HPS3: variants seen among roughly 807,000 people sequenced by gnomAD.
HPS3 encodes the protein HPS3 biogenesis of lysosomal organelles complex 2 subunit 1.
HPS3 carries 79 observed loss-of-function variants against 110.9 expected under a neutral mutation model. The ratio of observed to expected loss-of-function variants is 0.71; its 90% CI spans 0.59 to 0.86. The LOEUF (loss-of-function observed/expected upper bound fraction) is 0.86, where lower values mean the gene tolerates loss of function less well. Among genes scored for constraint, HPS3 ranks in the 40% least tolerant of loss-of-function variants. HPS3 has a pLI of 0.00. For synonymous variants in HPS3, 428 were observed against 451.0 expected, an observed-to-expected ratio of 0.95 and a Z score of 0.65; for missense variants, 1,197 against 1,206.2, an observed-to-expected ratio of 0.99 and a Z score of 0.11.
rs1379512680 is a variant in HPS3 at position 149,153,764 on chromosome 3, A to G, written c.1400+116A>G. On this transcript the variant is annotated intron_variant, in intron 7 of 16. Coordinates refer to ENST00000296051, the MANE Select transcript of HPS3 (RefSeq NM_032383.5). ...CTTGGAATGATCAAATGGCTTTTTTATGGTGGTCTTTTTCCAGAGAAAGAA... is the reference window on the plus strand; with the variant it reads ...CTTGGAATGATCAAATGGCTTTTTTGTGGTGGTCTTTTTCCAGAGAAAGAA... 2.9e-6 allele frequency: 3 copies of G among 1,041,548 alleles called. No homozygotes were observed. In the African/African-American group the frequency reaches 4.7e-5, roughly 16 times the overall value. The allele number at this position is 1,041,548 out of a possible 1,614,324, so 64.5% of individuals were successfully genotyped here.
rs776575007 is a variant in HPS3, at chr3:149,160,036, C to T, written c.1873-10C>T. ...CTTTTATTCCTTTTATTCCTTCGTG[C>T]TCACCAAAGGAATTAGCAGCAAAAG... On this transcript the variant is annotated splice_polypyrimidine_tract_variant and intron_variant, in intron 10 of 16. Transcript: ENST00000296051. 10 of 1,595,786 alleles carry T rather than the reference C, an allele frequency of 6.3e-6. No individual in the cohort carries two copies. Among genetic ancestry groups the T allele is most frequent in the South Asian group, 5.5e-5 (5 of 90,704 alleles).
At chr3:149,155,301 C>G (rs373514720) in intron 8 of HPS3, 86 bp downstream of exon 8, 24 of 817,214 alleles carry the variant, frequency 2.9e-5, no homozygotes, top group East Asian at 7.6e-5. Flanking sequence ...ATCATACATT[C>G]AGGATGCCAC....
intron 6 of HPS3, 31 bp downstream of exon 6, chr3:149,150,711 C>T (rs1398321058): frequency 6.6e-7 from 1 of 1,526,014 alleles, no homozygotes; most frequent in African/African-American, 1.4e-5. Context: ...ATAGTGAAAC[C>T]TTAAGATCAC....
chr3:149,161,598 C>T (rs1179318075), intron 11 of HPS3, among the ~76,000 whole-genome samples: 3 of 150,822 alleles, frequency 2.0e-5, no homozygotes, highest in Non-Finnish European at 4.4e-5. Flanking sequence ...CAACCTCCAC[C>T]TCCCAGGTTC....
At chr3:149,147,846 T>C (rs935722462) in intron 5 of HPS3, among the ~76,000 whole-genome samples, 2 of 152,206 alleles carry the variant, frequency 1.3e-5, no homozygotes, top group African/African-American at 4.8e-5. Context: ...TTTATGTAAA[T>C]TCAGATTCTT....
intron 5 of HPS3, among the ~76,000 whole-genome samples, chr3:149,148,987 T>C (rs1722946674): frequency 7.8e-6 from 1 of 127,780 alleles, no homozygotes; most frequent in Non-Finnish European, 1.6e-5. Flanking sequence ...AGAATCTCAC[T>C]CTGTCACCCA....
chr3:149,139,978 T>C, intron 1 of HPS3, 26 bp from the exon 2 acceptor site: 1 of 1,601,812 alleles, frequency 6.2e-7, no homozygotes, highest in Non-Finnish European at 8.5e-7. Context: ...TTACAAATTC[T>C]CAGTATAATC....
At chr3:149,148,560 GC>G (rs1462815425) in intron 5 of HPS3, among the ~76,000 whole-genome samples, 8 of 151,738 alleles carry the variant, frequency 5.3e-5, no homozygotes, top group Non-Finnish European at 1.2e-4. Context: ...CCATCACCAT[GC>G]CCGGCTAATT....
At chr3:149,166,911 T>G in intron 14 of HPS3, 123 bp from the exon 15 acceptor site, 1 of 768,852 alleles carries the variant, frequency 1.3e-6, no homozygotes, top group Non-Finnish European at 2.3e-6. Context: ...TGTGCTCTAA[T>G]ATGGCATTCT....
chr3:149,163,270 G>T (rs1318891434), intron 13 of HPS3, among the ~76,000 whole-genome samples: 1 of 152,200 alleles, frequency 6.6e-6, no homozygotes, highest in Non-Finnish European at 1.5e-5. Flanking sequence ...GGCTGTGGGA[G>T]GGAGACTGCC....
intron 5 of HPS3, among the ~76,000 whole-genome samples, chr3:149,147,400 G>A (rs903436049): frequency 1.2e-4 from 19 of 152,268 alleles, no homozygotes; most frequent in African/African-American, 4.6e-4. Flanking sequence ...TTAAACTCTG[G>A]TGAAGGTCTT....
Position 149,141,303 on chromosome 3 carries a change from C to G in HPS3, c.893C>G (p.Ala298Gly), listed in dbSNP as rs373049759. ...TCTTTTTAAACCCACAGACGTTTTG[C>G]TCCTGATATTTCGTCCTATGTCTTG... ...HFQHLLYRRF[A>G]PDISSYVLSD... The change falls in exon 4 of 17, where the codon GCT (alanine) becomes GGT (glycine). Residue 298 changes from alanine (A) to glycine (G), a missense_variant. Physicochemically the swap from Ala to Gly is moderately conservative, Grantham distance 60 (BLOSUM62 0). Coordinates refer to ENST00000296051, the MANE Select transcript of HPS3 (RefSeq NM_032383.5). The G allele has an allele frequency of 1.9e-6, 3 of 1,612,234 alleles. No homozygotes were observed. The African/African-American group carries it at 4.0e-5, about 22-fold the overall frequency.
At position 149,162,248 on chromosome 3, in the gene HPS3, C is replaced by A. The variant is rs749184890; in HGVS notation, c.2207C>A (p.Thr736Asn). 37 of 1,613,866 alleles carry A rather than the reference C, an allele frequency of 2.3e-5. No homozygotes were observed. Among genetic ancestry groups the A allele is most frequent in the Non-Finnish European group, 2.7e-5 (32 of 1,179,946 alleles). The change falls in exon 12 of 17, where the codon ACT becomes AAT. Residue 736 changes from threonine (T) to asparagine (N), a missense_variant. Coordinates refer to ENST00000296051, the MANE Select transcript of HPS3 (RefSeq NM_032383.5). ...GAGCTTGCACTTCACTTGAAGGAAA[C>A]TCAGCCTGGATTGCTTGTGGCTTCA... Reference protein sequence around the residue: ...PTELALHLKETQPGLLVASVL... With the variant: ...PTELALHLKENQPGLLVASVL...
At chr3:149,148,437 C>T (rs1482423075) in intron 5 of HPS3, among the ~76,000 whole-genome samples, 1 of 128,714 alleles carries the variant, frequency 7.8e-6, no homozygotes, top group Non-Finnish European at 1.6e-5. Flanking sequence ...GAGTGTCGCT[C>T]TGTCGCCCAG....
chr3:149,163,105 A>G (rs1724053569), intron 13 of HPS3, among the ~76,000 whole-genome samples: 1 of 152,128 alleles, frequency 6.6e-6, no homozygotes, highest in Non-Finnish European at 1.5e-5. Flanking sequence ...AATGTCCCTC[A>G]CTTAATTGCA....
chr3:149,141,127 G>A lies in HPS3; in HGVS notation c.823G>A (p.Glu275Lys), dbSNP rs34388030. ...ACAGTCTGGATTATCTGTTACACTG[G>A]AGTCTACGGGATTAGCTGATGAAAA... ...SEQSGLSVTL[E>K]STGLADEKRK... The change falls in exon 3 of 17, where the codon GAG (glutamate) becomes AAG (lysine). Residue 275 changes from glutamate (E) to lysine (K), a missense_variant. Physicochemically the swap from Glu to Lys is moderately conservative, Grantham distance 56 (BLOSUM62 1). Transcript: ENST00000296051. 1.0e-3 allele frequency: 1,611 copies of A among 1,613,236 alleles called. 15 individuals are homozygous for A. The African/African-American group carries it at 0.02, about 20-fold the overall frequency.
intron 1 of HPS3, among the ~76,000 whole-genome samples, chr3:149,134,935 A>G (rs919710468): frequency 9.9e-5 from 15 of 152,156 alleles, no homozygotes; most frequent in African/African-American, 3.6e-4. Flanking sequence ...GACTCTGGCT[A>G]TGATGGTATC....
rs757079213 is a variant in HPS3, at chr3:149,145,368, G to T, written c.985G>T (p.Asp329Tyr). 3 of 1,613,318 alleles carry T rather than the reference G, an allele frequency of 1.9e-6. No individual in the cohort carries two copies. In the African/African-American group the frequency reaches 4.0e-5, roughly 22 times the overall value. ...TTTGCATGCAGGTTCTCTTACATCT[G>T]ATGGAAAAAATTTGTCTCAGGAAAA... ...PIYQTGSLTS[D>Y]GKNLSQEKEL... Residue 329 changes from aspartate to tyrosine, a missense_variant, in exon 5 of 17, where the codon GAT (aspartate) becomes TAT (tyrosine). Transcript: ENST00000296051.
At chr3:149,163,409 C>T (rs1260480211) in intron 13 of HPS3, among the ~76,000 whole-genome samples, 1 of 152,154 alleles carries the variant, frequency 6.6e-6, no homozygotes, top group African/African-American at 2.4e-5. Flanking sequence ...TGTCCTAGCT[C>T]ATTAGCCATG....
Sources: gnomAD v4.1 joint callset for allele counts (sites outside exome capture counted in the v4.1 genomes callset) on GRCh38, gnomAD v4.1.1 for gene constraint, MANE v1.5 for transcripts, NCBI Gene and HGNC (gene_info 2026-07-23, HGNC 2026-07-21) for gene names.